PGGT1B: variants seen among roughly 807,000 people sequenced by gnomAD.
PGGT1B encodes the protein geranylgeranyl transferase type-1 subunit beta.
A neutral mutation model predicts 46.1 loss-of-function variants in PGGT1B; 30 were observed. The observed-to-expected ratio is 0.65, with a 90% CI of 0.49 to 0.88. The LOEUF is 0.88. Ranked by LOEUF, PGGT1B falls within the 40% of genes least tolerant of loss-of-function variation. The pLI is 0.00. For missense variants in PGGT1B, 376 were observed against 455.9 expected, an observed-to-expected ratio of 0.82 and a Z score of 1.60; for synonymous variants, 170 against 160.0, an observed-to-expected ratio of 1.06 and a Z score of -0.47.
chr5:115,252,337 T>G (rs1340521415), intron 2 of PGGT1B, among the ~76,000 whole-genome samples: 1 of 152,012 alleles, frequency 6.6e-6, no homozygotes, highest in African/African-American at 2.4e-5. Context: ...TTCAAGATCG[T>G]CTGCCAAACA....
At chr5:115,258,265 T>C (rs997585250) in intron 1 of PGGT1B, among the ~76,000 whole-genome samples, 1 of 152,200 alleles carries the variant, frequency 6.6e-6, no homozygotes, top group Non-Finnish European at 1.5e-5. Context: ...CCAGACCAGA[T>C]AGCAGTTCCA....
chr5:115,226,136 T>C lies in PGGT1B; in HGVS notation c.659-4128A>G, dbSNP rs182670769. On this transcript the variant is annotated intron_variant, in intron 6 of 8. Coordinates refer to ENST00000419445, the MANE Select transcript of PGGT1B (RefSeq NM_005023.4). ...TTTATCTCTAACAAAGCAGGAAAAT[T>C]CAATTCTTCCAAAACAAAAGGAACA... Among the ~76,000 whole-genome samples, 487 of 152,094 alleles carry C rather than the reference T, an allele frequency of 3.2e-3. 1 individual carries two copies. Among genetic ancestry groups the C allele is most frequent in the Non-Finnish European group, 5.7e-3 (387 of 67,982 alleles).
chr5:115,225,189 C>A (rs1208914102), intron 6 of PGGT1B, among the ~76,000 whole-genome samples: 1 of 152,052 alleles, frequency 6.6e-6, no homozygotes, highest in Non-Finnish European at 1.5e-5. Flanking sequence ...AATATTAAGG[C>A]AAATACAAAT....
In PGGT1B at chr5:115,221,907, T is replaced by C; in HGVS notation, c.760A>G (p.Met254Val). 6.2e-7 allele frequency: 1 copy of C among 1,610,232 alleles called. No homozygotes were observed. ...CCATGATAACCATTTTGTTGCCTCA[T>C]TATACACCACCTCTTTATCCTGTTC... is the stretch of plus-strand genomic sequence containing the variant. ...ELNRIKRWCI[M>V]RQQNGYHGRP... Residue 254 changes from methionine (M) to valine (V), a missense_variant, in exon 7 of 9, where the codon ATG (methionine) becomes GTG (valine). Around this residue, in one of 2 missense-constraint regions of PGGT1B, gnomAD observed 222 missense variants for 313.6 expected, o/e 0.71. Coordinates refer to ENST00000419445, the MANE Select transcript of PGGT1B (RefSeq NM_005023.4).
chr5:115,232,849 G>A (rs963527871), intron 5 of PGGT1B, among the ~76,000 whole-genome samples: 11 of 151,866 alleles, frequency 7.2e-5, no homozygotes, highest in South Asian at 2.1e-4. Flanking sequence ...GTAAATTTTG[G>A]TGAAGAAAGT....
At chr5:115,245,555 A>C (rs1456583156) in intron 2 of PGGT1B, among the ~76,000 whole-genome samples, 1 of 152,222 alleles carries the variant, frequency 6.6e-6, no homozygotes, top group Non-Finnish European at 1.5e-5. Context: ...GGCTTCTTGT[A>C]AAGGTTAAAG....
chr5:115,236,968 G>A (rs1292282681), intron 4 of PGGT1B, among the ~76,000 whole-genome samples: 1 of 152,188 alleles, frequency 6.6e-6, no homozygotes, highest in African/African-American at 2.4e-5. Flanking sequence ...CCATTTAATC[G>A]ATTGATCATA....
At chr5:115,227,753 T>C (rs10434735) in intron 6 of PGGT1B, among the ~76,000 whole-genome samples, 21,286 of 152,238 alleles carry the variant, frequency 0.14, 2,081 homozygotes, top group East Asian at 0.54. Context: ...TATTCTTTAA[T>C]ACTCATAGTG....
intron 7 of PGGT1B, among the ~76,000 whole-genome samples, chr5:115,218,990 G>A (rs1418895478): frequency 1.3e-5 from 2 of 151,852 alleles, no homozygotes; most frequent in African/African-American, 4.8e-5. Flanking sequence ...TGTGCTCATG[G>A]ATAGGAACAC....
At chr5:115,260,992 T>TGCC in intron 1 of PGGT1B, among the ~76,000 whole-genome samples, 1 of 152,324 alleles carries the variant, frequency 6.6e-6, no homozygotes, top group South Asian at 2.1e-4. Flanking sequence ...AGTTCAACTG[T>TGCC]TTAACAATCA....
At chr5:115,250,070 A>C (rs1748024601) in intron 2 of PGGT1B, among the ~76,000 whole-genome samples, 1 of 152,148 alleles carries the variant, frequency 6.6e-6, no homozygotes, top group Non-Finnish European at 1.5e-5. Context: ...ACAAGCCATA[A>C]TTTTCTGCAA....
Position 115,223,359 on chromosome 5 carries a change from T to A in PGGT1B, c.659-1351A>T, listed in dbSNP as rs140508992. 3.9e-5 allele frequency among the ~76,000 whole-genome samples: 6 copies of A among 152,222 alleles called. No homozygotes were observed. In the East Asian group the frequency reaches 1.2e-3, roughly 29 times the overall value. Reference sequence around the variant, plus strand: ...GTTAAACGATCTTGAAATGGGGAGATTATTCGGTATTATCTGGGTGGGCCC... The same window carrying A: ...GTTAAACGATCTTGAAATGGGGAGAATATTCGGTATTATCTGGGTGGGCCC... On this transcript the variant is annotated intron_variant, in intron 6 of 8. Coordinates refer to ENST00000419445, the MANE Select transcript of PGGT1B (RefSeq NM_005023.4).
chr5:115,251,563 G>A (rs1404067398), intron 2 of PGGT1B, among the ~76,000 whole-genome samples: 2 of 151,964 alleles, frequency 1.3e-5, no homozygotes, highest in African/African-American at 4.8e-5. Flanking sequence ...TAGGAAGCAT[G>A]GTGAGTAAGT....
intron 7 of PGGT1B, among the ~76,000 whole-genome samples, chr5:115,218,312 G>T (rs1196179430): frequency 6.6e-6 from 1 of 150,638 alleles, no homozygotes; most frequent in Non-Finnish European, 1.5e-5. Flanking sequence ...AAAGACTACT[G>T]ACGTCAAATA....
intron 8 of PGGT1B, among the ~76,000 whole-genome samples, chr5:115,214,817 T>A (rs1756362932): frequency 6.6e-6 from 1 of 152,212 alleles, no homozygotes; most frequent in South Asian, 2.1e-4. Context: ...CATTATTTGT[T>A]AAAACAGTAC....
chr5:115,246,762 G>A (rs1006479240), intron 2 of PGGT1B, among the ~76,000 whole-genome samples: 4 of 152,100 alleles, frequency 2.6e-5, no homozygotes, highest in African/African-American at 7.2e-5. Flanking sequence ...AAACAATCCC[G>A]GTTTGACACA....
At chr5:115,232,111 A>C (rs1164055682) in intron 5 of PGGT1B, among the ~76,000 whole-genome samples, 1 of 152,112 alleles carries the variant, frequency 6.6e-6, no homozygotes, top group African/African-American at 2.4e-5. Flanking sequence ...CAAAGATGAA[A>C]GTGCAGTAAA....
intron 2 of PGGT1B, among the ~76,000 whole-genome samples, chr5:115,241,912 A>G (rs1307385258): frequency 6.6e-6 from 1 of 152,122 alleles, no homozygotes; most frequent in Non-Finnish European, 1.5e-5. Flanking sequence ...TGTGATCAAC[A>G]TGTTCAATCC....
intron 2 of PGGT1B, among the ~76,000 whole-genome samples, chr5:115,246,247 T>C (rs577244444): frequency 2.0e-5 from 3 of 151,982 alleles, no homozygotes; most frequent in African/African-American, 7.2e-5. Context: ...TCCCAGCTAC[T>C]TGGGAGGCTG....
Sources: gnomAD v4.1 joint callset for allele counts (sites outside exome capture counted in the v4.1 genomes callset) on GRCh38, gnomAD v4.1.1 for gene constraint, gnomAD v4.1.1 regional missense constraint, MANE v1.5 for transcripts, NCBI Gene and HGNC (gene_info 2026-07-23, HGNC 2026-07-21) for gene names.